The following PALMD variants were observed in gnomAD, a reference collection of about 807,000 sequenced individuals.
PALMD encodes palmdelphin.
A neutral mutation model predicts 56.2 loss-of-function variants in PALMD; 42 were observed. The observed-to-expected ratio is 0.75, with a 90% CI of 0.58 to 0.97. PALMD has a LOEUF of 0.97. Among genes scored for constraint, PALMD ranks in the 50% least tolerant of loss-of-function variants. PALMD has a pLI of 0.00. For synonymous variants in PALMD, 242 were observed against 222.9 expected, an observed-to-expected ratio of 1.09 and a Z score of -0.76; for missense variants, 660 against 643.8, an observed-to-expected ratio of 1.03 and a Z score of -0.27.
intron 3 of PALMD, among the ~76,000 whole-genome samples, chr1:99,672,994 G>A (rs946676949): frequency 4.6e-5 from 7 of 152,140 alleles, no homozygotes; most frequent in Admixed American, 4.6e-4. Flanking sequence ...AGCCTTGGAT[G>A]TCTGTGTGAC....
chr1:99,646,314 T>C lies in PALMD; in HGVS notation c.-4T>C, dbSNP rs1485472293. ...TCCCCGTCTGACTGTCCTTGACTTC[T>C]AGAATGGAAGAAGCTGAGCTGGTGA... On this transcript the variant is annotated 5_prime_UTR_variant, in exon 1 of 8. The change abolishes the stop of an existing upstream ORF in the 5' untranslated region. Transcript: ENST00000263174. 2.5e-6 allele frequency: 4 copies of C among 1,612,878 alleles called. No individual in the cohort carries two copies. Among genetic ancestry groups the C allele is most frequent in the African/African-American group, 1.3e-5 (1 of 74,914 alleles).
Position 99,667,744 on chromosome 1 carries a change from G to T in PALMD, c.229G>T (p.Val77Phe). 2 of 1,613,640 alleles carry T rather than the reference G, an allele frequency of 1.2e-6. No individual in the cohort carries two copies. Among genetic ancestry groups the T allele is most frequent in the South Asian group, 1.1e-5 (1 of 91,058 alleles). The change falls in exon 3 of 8, where the codon GTT (valine) becomes TTT (phenylalanine). Residue 77 changes from valine (V) to phenylalanine (F), a missense_variant. Physicochemically the swap from Val to Phe is conservative, Grantham distance 50. Coordinates refer to ENST00000263174, the MANE Select transcript of PALMD (RefSeq NM_017734.5). ...QNQQDQHQIQ[V>F]LEQSILRLEK... Reference sequence around the variant, plus strand: ...TCAACAAGACCAGCACCAGATCCAGGTTCTAGAACAAAGTATCCTCAGGTA... The same window carrying T: ...TCAACAAGACCAGCACCAGATCCAGTTTCTAGAACAAAGTATCCTCAGGTA...
intron 3 of PALMD, among the ~76,000 whole-genome samples, chr1:99,672,323 C>T (rs759239856): frequency 1.4e-4 from 21 of 152,228 alleles, no homozygotes; most frequent in Admixed American, 9.8e-4. Context: ...TGAACGTCTC[C>T]TTCTGAATCA....
chr1:99,687,237 T>C lies in PALMD; in HGVS notation c.514+48T>C, dbSNP rs185740400. On this transcript the variant is annotated intron_variant, in intron 6 of 7. Coordinates refer to ENST00000263174, the MANE Select transcript of PALMD (RefSeq NM_017734.5). The stretch of plus-strand genomic sequence containing the variant: ...AGGGCATGTTCTTAATTTCAGATTT[T>C]ACAGTGTCAAATATTCACAACTTGC... 9.2e-4 allele frequency: 1,427 copies of C among 1,546,698 alleles called. 1 individual carries two copies. Among genetic ancestry groups the C allele is most frequent in the Non-Finnish European group, 1.1e-3 (1,304 of 1,147,744 alleles).
At chr1:99,666,506 C>T (rs1466392771) in intron 2 of PALMD, among the ~76,000 whole-genome samples, 1 of 152,032 alleles carries the variant, frequency 6.6e-6, no homozygotes, top group Admixed American at 6.6e-5. Flanking sequence ...AACACACCCA[C>T]ACACAAACAC....
intron 1 of PALMD, among the ~76,000 whole-genome samples, chr1:99,660,815 T>A (rs1047598885): frequency 5.9e-5 from 9 of 152,138 alleles, no homozygotes; most frequent in Non-Finnish European, 1.2e-4. Context: ...GAGCCCAGGA[T>A]GTCAAGGCTA....
chr1:99,680,381 C>T (rs984530000), intron 3 of PALMD, among the ~76,000 whole-genome samples: 9 of 152,022 alleles, frequency 5.9e-5, no homozygotes, highest in African/African-American at 2.2e-4. Context: ...AGCAAGATTC[C>T]AATAATGGAT....
chr1:99,683,059 AGAGAGAG>A (rs1653394091), intron 3 of PALMD, among the ~76,000 whole-genome samples: 1 of 16,226 alleles, frequency 6.2e-5, no homozygotes, highest in Non-Finnish European at 1.0e-4. Context: ...AAAGAAAGAG[AGAGAGAG>A]AGAGAGAGAG....
chr1:99,679,053 G>A (rs1452747911), intron 3 of PALMD, among the ~76,000 whole-genome samples: 4 of 152,072 alleles, frequency 2.6e-5, no homozygotes, highest in Admixed American at 6.6e-5. Context: ...ACCGGCCTCA[G>A]AGGCACATCA....
Position 99,667,723 on chromosome 1 carries a change from C to A in PALMD, c.208C>A (p.Gln70Lys), listed in dbSNP as rs896633881. The part of the protein sequence containing the change: ...EQEEMKKQNQ[Q>K]DQHQIQVLEQ... ...GGAAGAGATGAAGAAGCAAAATCAA[C>A]AAGACCAGCACCAGATCCAGGTTCT... Residue 70 changes from glutamine (Q) to lysine (K), a missense_variant, in exon 3 of 8, where the codon CAA (glutamine) becomes AAA (lysine). Transcript: ENST00000263174. 4 of 1,613,554 alleles carry A rather than the reference C, an allele frequency of 2.5e-6. No individual in the cohort carries two copies. Among genetic ancestry groups the A allele is most frequent in the Middle Eastern group, 1.7e-4 (1 of 6,052 alleles).
At chr1:99,657,442 TA>T (rs1481628134) in intron 1 of PALMD, among the ~76,000 whole-genome samples, 1 of 152,240 alleles carries the variant, frequency 6.6e-6, no homozygotes, top group East Asian at 1.9e-4. Context: ...AACTCCTTGC[TA>T]ACTCTGACAT....
Position 99,689,713 on chromosome 1 carries a change from A to G in PALMD, c.1453A>G (p.Arg485Gly). The G allele has an allele frequency of 6.2e-7, 1 of 1,613,876 alleles. No homozygotes were observed. Among genetic ancestry groups the G allele is most frequent in the Non-Finnish European group, 8.5e-7 (1 of 1,179,896 alleles). The change falls in exon 7 of 8, where the codon AGA becomes GGA. Residue 485 changes from arginine (R) to glycine (G), a missense_variant. Physicochemically the swap from Arg to Gly is moderately radical, Grantham distance 125. Coordinates refer to ENST00000263174, the MANE Select transcript of PALMD (RefSeq NM_017734.5). ...PAKPTPLPRK[R>G]SEASPHENTN... ...CAAACCAACACCACTTCCTAGAAAA[A>G]GATCAGAAGCTAGTCCTCATGAAAA...
At chr1:99,685,379 TG>T in intron 3 of PALMD, 1 of 152,310 alleles carries the variant, frequency 6.6e-6, no homozygotes, top group South Asian at 2.1e-4. Context: ...AGGGTAAAAG[TG>T]CTGCCATGGA....
At chr1:99,670,443 C>T (rs907413567) in intron 3 of PALMD, among the ~76,000 whole-genome samples, 3 of 152,004 alleles carry the variant, frequency 2.0e-5, no homozygotes, top group Admixed American at 6.6e-5. Context: ...AGGAAATAGG[C>T]GCAGAGAAAG....
intron 1 of PALMD, among the ~76,000 whole-genome samples, chr1:99,652,651 G>GAAAGA (rs1418838242): frequency 3.0e-5 from 3 of 99,892 alleles, no homozygotes; most frequent in African/African-American, 7.4e-5. Flanking sequence ...AAAGAAAAAA[G>GAAAGA]AAAGAAAAGA....
At chr1:99,673,445 A>T (rs1009349931) in intron 3 of PALMD, among the ~76,000 whole-genome samples, 1 of 152,100 alleles carries the variant, frequency 6.6e-6, no homozygotes, top group African/African-American at 2.4e-5. Flanking sequence ...CACATAGCAG[A>T]GAGATAGACA....
intron 1 of PALMD, among the ~76,000 whole-genome samples, chr1:99,651,086 A>G (rs834991): frequency 0.64 from 97,937 of 152,060 alleles, 31,702 homozygotes; most frequent in East Asian, 0.7. Flanking sequence ...AAGATGGTAC[A>G]TGAAGATGTA....
intron 3 of PALMD, among the ~76,000 whole-genome samples, chr1:99,680,616 CT>C (rs780708161): frequency 4.6e-5 from 7 of 152,070 alleles, no homozygotes; most frequent in Non-Finnish European, 7.4e-5. Flanking sequence ...GTAATACCTT[CT>C]AAAGATGGGG....
rs1652441211 is a variant in PALMD, at chr1:99,646,226, T to A, written c.-92T>A. 1.0e-6 allele frequency: 1 copy of A among 981,602 alleles called. No homozygotes were observed. 60.8% of individuals were successfully genotyped at this position (981,602 alleles called of 1,614,324 possible). A position where few individuals can be genotyped will look rare whatever the true frequency, so the allele number is the denominator to read the frequency against. On this transcript the variant is annotated 5_prime_UTR_variant, in exon 1 of 8. Transcript: ENST00000263174. The stretch of plus-strand genomic sequence containing the variant: ...AAGAGCGGATTTCTCCCTGCTTCTC[T>A]TCTGTCACCCCCGCTCCTCTCCCCC...
Sources: gnomAD v4.1 joint callset for allele counts (sites outside exome capture counted in the v4.1 genomes callset) on GRCh38, gnomAD v4.1.1 for gene constraint, MANE v1.5 for transcripts, NCBI Gene and HGNC (gene_info 2026-07-23, HGNC 2026-07-21) for gene names.